SPTBN1: variants seen among roughly 807,000 people sequenced by gnomAD.
SPTBN1 encodes the protein spectrin beta chain, non-erythrocytic 1.
Under a neutral mutation model 266.4 loss-of-function variants are expected in SPTBN1, and 32 were observed. That is an observed-to-expected ratio of 0.12 (90% CI 0.09 to 0.16). The LOEUF is 0.16. Ranked by LOEUF, SPTBN1 falls within the 10% of genes least tolerant of loss-of-function variation. The pLI is 1.00. For missense variants in SPTBN1, 2,296 were observed against 3,067.1 expected, an observed-to-expected ratio of 0.75 and a Z score of 5.94; for synonymous variants, 1,336 against 1,162.2, an observed-to-expected ratio of 1.15 and a Z score of -3.04.
intron 3 of SPTBN1, among the ~76,000 whole-genome samples, chr2:54,606,997 T>G (rs371349642): frequency 6.6e-6 from 1 of 152,226 alleles, no homozygotes; most frequent in Non-Finnish European, 1.5e-5. Context: ...ATTGCACAAA[T>G]AGCAAATTCT....
intron 1 of SPTBN1, among the ~76,000 whole-genome samples, chr2:54,482,543 T>C (rs774088711): frequency 6.6e-6 from 1 of 152,148 alleles, no homozygotes; most frequent in African/African-American, 2.4e-5. Flanking sequence ...CTCAAAATTA[T>C]GTCTCTGGCC....
Position 54,558,777 on chromosome 2 carries a change from TA to T in SPTBN1, c.148+32213del. 6.2e-7 allele frequency: 1 copy of T among 1,612,282 alleles called. No homozygotes were observed. Among genetic ancestry groups the T allele is most frequent in the Non-Finnish European group, 8.5e-7 (1 of 1,178,832 alleles). ...GTCCTCCGGGGCGTTACGCCGGGCA[TA>T]ATGGAATTGCAGAGGACGTCTAGTA... On this transcript the variant is annotated intron_variant, in intron 2 of 35. Coordinates refer to ENST00000356805, the MANE Select transcript of SPTBN1 (RefSeq NM_003128.3). This position sits in a 1 kb window ranked among gnomAD's most constrained non-coding sequence, Gnocchi z 4.6.
Position 54,653,646 on chromosome 2 carries a change from C to A in SPTBN1, c.5615C>A (p.Ala1872Glu), listed in dbSNP as rs748720017. 6.2e-7 allele frequency: 1 copy of A among 1,613,898 alleles called. No individual in the cohort carries two copies. The highest frequency in any genetic ancestry group is 8.5e-7 in the Non-Finnish European group (1 of 1,179,968). The change falls in exon 27 of 36, where the codon GCG (alanine) becomes GAG (glutamate). Residue 1872 changes from alanine to glutamate, a missense_variant. Around this residue, in one of 12 missense-constraint regions of SPTBN1, gnomAD observed 644 missense variants for 745.3 expected, o/e 0.86. Coordinates refer to ENST00000356805, the MANE Select transcript of SPTBN1 (RefSeq NM_003128.3). The surrounding 1 kb of genome is among the most constrained non-coding windows in gnomAD (Gnocchi z 5.1). The part of the protein sequence containing the change: ...QLQEDAARLQ[A>E]AYAGDKADDI... ...CAGGAGGATGCAGCCCGCCTCCAGG[C>A]GGCCTATGCGGGTGACAAGGCCGAC... is the stretch of plus-strand genomic sequence containing the variant.
chr2:54,495,492 A>G (rs1573271000), intron 1 of SPTBN1, among the ~76,000 whole-genome samples: 1 of 152,196 alleles, frequency 6.6e-6, no homozygotes, highest in East Asian at 1.9e-4. Context: ...AATACTTAAG[A>G]TGTTTCATTT....
At position 54,552,465 on chromosome 2, in the gene SPTBN1, C is replaced by CT. The variant is rs58702463; in HGVS notation, c.148+25910dup. On this transcript the variant is annotated intron_variant, in intron 2 of 35. Coordinates refer to ENST00000356805, the MANE Select transcript of SPTBN1 (RefSeq NM_003128.3). ...TCTTAGGTCCCAGGTCTGCTTTTTT[C>CT]TTTTTTTTTTTGAGATGGAGTCTCG... 6.7e-3 allele frequency among the ~76,000 whole-genome samples: 993 copies of CT among 148,038 alleles called. 12 individuals carry two copies. The highest frequency in any genetic ancestry group is 0.021 in the African/African-American group (840 of 40,218).
intron 18 of SPTBN1, 70 bp from the exon 19 acceptor site, chr2:54,642,913 A>G: frequency 2.6e-6 from 4 of 1,561,552 alleles, no homozygotes; most frequent in Non-Finnish European, 2.6e-6. Context: ...CATAAACACA[A>G]CCCTTTCCAG....
intron 1 of SPTBN1, among the ~76,000 whole-genome samples, chr2:54,523,152 A>T (rs1670589178): frequency 6.6e-6 from 1 of 152,236 alleles, no homozygotes; most frequent in African/African-American, 2.4e-5. Flanking sequence ...GGAAGGGTTT[A>T]TGACTTTGAA....
chr2:54,469,210 C>T (rs955639236), intron 1 of SPTBN1, among the ~76,000 whole-genome samples: 2 of 152,122 alleles, frequency 1.3e-5, no homozygotes, highest in African/African-American at 4.8e-5. Context: ...GGTGCCAAAA[C>T]GGCTTCCGTA....
chr2:54,656,453 T>C (rs1680665250), intron 29 of SPTBN1, among the ~76,000 whole-genome samples: 1 of 152,244 alleles, frequency 6.6e-6, no homozygotes, highest in African/African-American at 2.4e-5. Flanking sequence ...TTAATGTATT[T>C]CTGTGTTTAT....
In SPTBN1 at chr2:54,459,630, C is replaced by T. The variant is rs13399726; in HGVS notation, c.-48+3112C>T. 3.9e-3 allele frequency among the ~76,000 whole-genome samples: 595 copies of T among 152,254 alleles called. 4 individuals are homozygous for T. The highest frequency in any genetic ancestry group is 0.014 in the African/African-American group (570 of 41,546). On this transcript the variant is annotated intron_variant, in intron 1 of 35. Transcript: ENST00000356805. ...TTTTTTTACGTGCAATGACATGATG[C>T]TCCTTTAATTATGTTGCATCGTAAC...
intron 3 of SPTBN1, among the ~76,000 whole-genome samples, chr2:54,600,350 T>G (rs1051132975): frequency 1.3e-5 from 2 of 152,188 alleles, no homozygotes; most frequent in Non-Finnish European, 2.9e-5. Context: ...TTCTCTGTAG[T>G]GAGTTTCATC....
At chr2:54,582,563 CAA>C (rs1208471911) in intron 2 of SPTBN1, among the ~76,000 whole-genome samples, 27 of 76,374 alleles carry the variant, frequency 3.5e-4, no homozygotes, top group Non-Finnish European at 2.0e-4. Context: ...GACTCCGTCT[CAA>C]AAAAAAAAAA....
chr2:54,598,040 C>T (rs1411389073), intron 2 of SPTBN1, among the ~76,000 whole-genome samples: 5 of 151,992 alleles, frequency 3.3e-5, no homozygotes, highest in Admixed American at 1.3e-4. Flanking sequence ...GTCCAGGGTA[C>T]GTTCTGTGGA....
chr2:54,473,052 T>C (rs1363357080), intron 1 of SPTBN1, among the ~76,000 whole-genome samples: 3 of 152,242 alleles, frequency 2.0e-5, no homozygotes, highest in East Asian at 3.8e-4. Flanking sequence ...CTGTAGCGTA[T>C]CCTGAAAATG....
chr2:54,590,696 A>G (rs6545433), intron 2 of SPTBN1, among the ~76,000 whole-genome samples: 43,932 of 152,130 alleles, frequency 0.29, 7,875 homozygotes, highest in Admixed American at 0.37. Context: ...AGATGGGAAA[A>G]AGCAGTGTGC....
chr2:54,655,054 G>A lies in SPTBN1; in HGVS notation c.5823-16G>A, dbSNP rs764139230. ...AGCTTGATCTCCTAACGGAGGCATC[G>A]TTTGTCTAATTTTAGGGATGTATCA... is the stretch of plus-strand genomic sequence containing the variant. On this transcript the variant is annotated splice_polypyrimidine_tract_variant and intron_variant, in intron 27 of 35. Coordinates refer to ENST00000356805, the MANE Select transcript of SPTBN1 (RefSeq NM_003128.3). The A allele has an allele frequency of 3.3e-5, 53 of 1,604,040 alleles. No individual in the cohort carries two copies. The highest frequency in any genetic ancestry group is 4.5e-5 in the South Asian group (4 of 89,824).
intron 2 of SPTBN1, among the ~76,000 whole-genome samples, chr2:54,576,770 T>C (rs1674511831): frequency 6.6e-6 from 1 of 152,230 alleles, no homozygotes; most frequent in South Asian, 2.1e-4. Context: ...CTTACAGTGC[T>C]GAGCACACTG....
At chr2:54,526,330 A>G (rs1314308938) in intron 1 of SPTBN1, 42 bp from the exon 2 acceptor site, 1 of 1,529,966 alleles carries the variant, frequency 6.5e-7, no homozygotes, top group Non-Finnish European at 8.9e-7. Flanking sequence ...GGGACTGTAT[A>G]CACTTCAGAC....
intron 35 of SPTBN1, 57 bp downstream of exon 35, chr2:54,667,703 G>A: frequency 6.8e-7 from 1 of 1,475,758 alleles, no homozygotes; most frequent in Non-Finnish European, 9.5e-7. Context: ...GTGTTTGTGT[G>A]ATGATGGGCT....
Sources: gnomAD v4.1 joint callset for allele counts (sites outside exome capture counted in the v4.1 genomes callset) on GRCh38, gnomAD v4.1.1 for gene constraint, gnomAD v4.1.1 regional missense constraint, Gnocchi (gnomAD v3.1) non-coding constraint, MANE v1.5 for transcripts, NCBI Gene and HGNC (gene_info 2026-07-23, HGNC 2026-07-21) for gene names.